The following RALGAPA1 variants were observed in gnomAD, a reference collection of about 807,000 sequenced individuals.
RALGAPA1 encodes ral GTPase-activating protein subunit alpha-1.
In RALGAPA1, 52 loss-of-function variants were observed where a neutral mutation model predicts 269.6. The ratio of observed to expected loss-of-function variants is 0.19; its 90% CI spans 0.15 to 0.24. The LOEUF (loss-of-function observed/expected upper bound fraction) is 0.24, where lower values mean the gene tolerates loss of function less well. Among genes scored for constraint, RALGAPA1 ranks in the 10% least tolerant of loss-of-function variants. The pLI is 1.00. For synonymous variants in RALGAPA1, 817 were observed against 1,008.3 expected (o/e 0.81, Z 3.60); for missense variants, 1,917 against 3,013.9 (o/e 0.64, Z 8.52).
At chr14:35,609,352 T>C (rs1391330253) in intron 35 of RALGAPA1, among the ~76,000 whole-genome samples, 1 of 152,138 alleles carries the variant, frequency 6.6e-6, no homozygotes, top group Non-Finnish European at 1.5e-5. Context: ...AAAATTTGGG[T>C]AATTCACAAA....
At chr14:35,611,573 A>G (rs1376745539) in intron 35 of RALGAPA1, among the ~76,000 whole-genome samples, 1 of 152,022 alleles carries the variant, frequency 6.6e-6, no homozygotes, top group Non-Finnish European at 1.5e-5. Context: ...CTCTACAAAA[A>G]AAAAAAATTG....
At chr14:35,626,509 C>T (rs2060996946) in intron 34 of RALGAPA1, among the ~76,000 whole-genome samples, 1 of 152,066 alleles carries the variant, frequency 6.6e-6, no homozygotes, top group South Asian at 2.1e-4. Context: ...TTTAATTCTT[C>T]CCAGTATGTG....
At chr14:35,687,497 A>G (rs574089281) in intron 18 of RALGAPA1, among the ~76,000 whole-genome samples, 3 of 152,332 alleles carry the variant, frequency 2.0e-5, no homozygotes, top group East Asian at 3.9e-4. Flanking sequence ...AGGCTTTGCT[A>G]AGCTGTCAAA....
chr14:35,735,215 T>C (rs1567118066), intron 12 of RALGAPA1, among the ~76,000 whole-genome samples: 1 of 152,162 alleles, frequency 6.6e-6, no homozygotes, highest in East Asian at 1.9e-4. Flanking sequence ...CTACTGGGTA[T>C]CTACCCAGAG....
At chr14:35,753,928 A>G (rs1250012782) in intron 7 of RALGAPA1, among the ~76,000 whole-genome samples, 1 of 152,108 alleles carries the variant, frequency 6.6e-6, no homozygotes, top group Non-Finnish European at 1.5e-5. Context: ...ATCCTAAAAC[A>G]TGTGAAATTT....
chr14:35,740,954 T>C (rs536792411), intron 11 of RALGAPA1, among the ~76,000 whole-genome samples: 50 of 152,338 alleles, frequency 3.3e-4, no homozygotes, highest in African/African-American at 1.1e-3. Context: ...CAGAACATTA[T>C]ACCTTTTGGG....
chr14:35,661,390 CGAA>C (rs2063529604), intron 27 of RALGAPA1, among the ~76,000 whole-genome samples: 1 of 151,858 alleles, frequency 6.6e-6, no homozygotes, highest in Admixed American at 6.6e-5. Context: ...GGGGAGAAAA[CGAA>C]GAACAAATAC....
intron 37 of RALGAPA1, among the ~76,000 whole-genome samples, chr14:35,588,464 C>A (rs551833804): frequency 3.3e-5 from 5 of 152,078 alleles, no homozygotes; most frequent in Non-Finnish European, 7.4e-5. Flanking sequence ...ACATAGTTTT[C>A]TTTAACAAAA....
rs10645179 is a variant in RALGAPA1, at chr14:35,652,364, T to TTATATATATA, written c.5608-501_5608-492dup. Among the ~76,000 whole-genome samples the TTATATATATA allele has an allele frequency of 8.0e-4, 118 of 147,950 alleles. 1 individual carries two copies. Among genetic ancestry groups the TTATATATATA allele is most frequent in the African/African-American group, 2.6e-3 (106 of 40,226 alleles). On this transcript the variant is annotated intron_variant, in intron 30 of 41. Transcript: ENST00000680220. ...TCTATTGCCTTTCCAGGCCTTTTGT[T>TTATATATATA]TATATATATATATATATATACACAC...
At chr14:35,801,797 A>G (rs1197383883) in intron 1 of RALGAPA1, among the ~76,000 whole-genome samples, 1 of 152,174 alleles carries the variant, frequency 6.6e-6, no homozygotes, top group Non-Finnish European at 1.5e-5. Context: ...GGATCATATT[A>G]TACAGTGAAA....
chr14:35,780,391 G>A (rs369992332), intron 1 of RALGAPA1, among the ~76,000 whole-genome samples: 36 of 152,210 alleles, frequency 2.4e-4, no homozygotes, highest in East Asian at 1.5e-3. Flanking sequence ...GACATCTATC[G>A]AATGCCCATC....
chr14:35,805,683 CTT>C (rs760045509), intron 1 of RALGAPA1, among the ~76,000 whole-genome samples: 19 of 135,390 alleles, frequency 1.4e-4, no homozygotes, highest in Admixed American at 2.2e-4. Context: ...TTTTCTTTTT[CTT>C]TTTTTTTTTT....
chr14:35,678,103 C>T lies in RALGAPA1; in HGVS notation c.4472-1G>A, dbSNP rs2065112942. 1 of 1,599,114 alleles carries T rather than the reference C, an allele frequency of 6.3e-7. No homozygotes were observed. Among genetic ancestry groups the T allele is most frequent in the Non-Finnish European group, 8.5e-7 (1 of 1,176,406 alleles). On this transcript the variant is annotated splice_acceptor_variant, in intron 21 of 41. Coordinates refer to ENST00000680220, the MANE Select transcript of RALGAPA1 (RefSeq NM_001346249.2). LOFTEE classifies it high-confidence loss of function. ...TGGACTGGGGAAGCACTTTCTGAACCTGTAAATATAATTTCATAAAATTAC... is the reference window on the plus strand; with the variant it reads ...TGGACTGGGGAAGCACTTTCTGAACTTGTAAATATAATTTCATAAAATTAC...
chr14:35,652,326 T>G (rs150332854), intron 30 of RALGAPA1, among the ~76,000 whole-genome samples: 2,233 of 152,002 alleles, frequency 0.015, 46 homozygotes, highest in African/African-American at 0.049. Flanking sequence ...TCCTATCACC[T>G]GAAGAAATCT....
At chr14:35,771,395 G>GAAACA (rs758320424) in intron 3 of RALGAPA1, among the ~76,000 whole-genome samples, 22 of 151,932 alleles carry the variant, frequency 1.4e-4, no homozygotes, top group Non-Finnish European at 2.7e-4. Context: ...ACTCCGTCTC[G>GAAACA]AAACAAAACA....
chr14:35,660,781 A>G (rs1480475675), intron 27 of RALGAPA1, among the ~76,000 whole-genome samples: 1 of 152,150 alleles, frequency 6.6e-6, no homozygotes, highest in Non-Finnish European at 1.5e-5. Flanking sequence ...AATACCACTC[A>G]GCCTTTAAAA....
intron 39 of RALGAPA1, among the ~76,000 whole-genome samples, chr14:35,565,512 T>C (rs1209131646): frequency 6.6e-6 from 1 of 152,050 alleles, no homozygotes; most frequent in Non-Finnish European, 1.5e-5. Flanking sequence ...GAGAAAACAC[T>C]GAGGTCCCCT....
At chr14:35,699,882 A>G (rs560929499) in intron 17 of RALGAPA1, among the ~76,000 whole-genome samples, 8 of 151,272 alleles carry the variant, frequency 5.3e-5, no homozygotes, top group African/African-American at 2.0e-4. Flanking sequence ...AGAGGAAGAA[A>G]AAAATCAAAC....
chr14:35,718,017 C>T (rs905861519), intron 16 of RALGAPA1, among the ~76,000 whole-genome samples: 1 of 152,144 alleles, frequency 6.6e-6, no homozygotes, highest in Non-Finnish European at 1.5e-5. Context: ...CTGGAATGCG[C>T]TTTCTCCATT....
Sources: allele counts gnomAD v4.1 joint callset (sites outside exome capture counted in the v4.1 genomes callset), GRCh38; gene constraint gnomAD v4.1.1; transcripts MANE v1.5; gene names NCBI Gene and HGNC (gene_info 2026-07-23, HGNC 2026-07-21).